The following AKAP6 variants were observed in gnomAD, a reference collection of about 807,000 sequenced individuals.
The protein encoded by AKAP6 is A-kinase anchor protein 6.
A neutral mutation model predicts 188.5 loss-of-function variants in AKAP6; 58 were observed. That is an observed-to-expected ratio of 0.31 (90% CI 0.25 to 0.38). The LOEUF (loss-of-function observed/expected upper bound fraction) is 0.38, where lower values mean the gene tolerates loss of function less well. Among genes scored for constraint, AKAP6 ranks in the 10% least tolerant of loss-of-function variants. The probability of loss-of-function intolerance (pLI) is 1.00; values close to 1 mark genes in which losing one functional copy is unlikely to be tolerated. For missense variants in AKAP6, 2,710 were observed against 2,740.0 expected (o/e 0.99, Z 0.24); for synonymous variants, 989 against 998.6 (o/e 0.99, Z 0.18).
At chr14:32,641,286 A>G (rs1887742865) in intron 7 of AKAP6, among the ~76,000 whole-genome samples, 1 of 152,020 alleles carries the variant, frequency 6.6e-6, no homozygotes, top group South Asian at 2.1e-4. Flanking sequence ...AGTGGAATAT[A>G]CAATAATATA....
intron 1 of AKAP6, among the ~76,000 whole-genome samples, chr14:32,382,065 A>G (rs1473935647): frequency 6.6e-6 from 1 of 152,122 alleles, no homozygotes; most frequent in Non-Finnish European, 1.5e-5. Context: ...ATCTGTGAAA[A>G]GGGGATTAGT....
chr14:32,714,838 ATACAGTATT>A (rs1377070437), intron 9 of AKAP6, among the ~76,000 whole-genome samples: 1 of 151,818 alleles, frequency 6.6e-6, no homozygotes, highest in African/African-American at 2.4e-5. Context: ...TTGGTAGTTT[ATACAGTATT>A]TGAATTGTCA....
chr14:32,786,298 C>CTTTTTTTTTTTTTTTTT (rs1162974012), intron 12 of AKAP6, among the ~76,000 whole-genome samples: 8 of 82,556 alleles, frequency 9.7e-5, no homozygotes, highest in Non-Finnish European at 1.3e-4. Context: ...AAACCTTTAT[C>CTTTTTTTTTTTTTTTTT]TTTTTTTTTT....
At chr14:32,375,793 G>A (rs1888139885) in intron 1 of AKAP6, 1 of 152,100 alleles carries the variant, frequency 6.6e-6, no homozygotes. Context: ...GTAAGTGAGT[G>A]GCAGAGCAGA....
intron 11 of AKAP6, among the ~76,000 whole-genome samples, chr14:32,760,862 T>C (rs1205083996): frequency 6.6e-6 from 1 of 152,224 alleles, no homozygotes; most frequent in African/African-American, 2.4e-5. Flanking sequence ...AGTTGACTAA[T>C]ATTTAGTCAA....
At chr14:32,685,839 G>A (rs1178991389) in intron 8 of AKAP6, among the ~76,000 whole-genome samples, 1 of 152,092 alleles carries the variant, frequency 6.6e-6, no homozygotes, top group African/African-American at 2.4e-5. Context: ...ACACTTGGTG[G>A]GAATCTAAAT....
At chr14:32,476,568 A>G (rs1879075381) in intron 2 of AKAP6, among the ~76,000 whole-genome samples, 2 of 152,212 alleles carry the variant, frequency 1.3e-5, no homozygotes, top group Non-Finnish European at 2.9e-5. Flanking sequence ...ATCGAATTTT[A>G]TCTAGTCATA....
chr14:32,558,514 G>A (rs1883788848), intron 4 of AKAP6, among the ~76,000 whole-genome samples: 1 of 152,198 alleles, frequency 6.6e-6, no homozygotes, highest in Non-Finnish European at 1.5e-5. Flanking sequence ...TAGCAGAGAT[G>A]AGGAGGCATA....
At chr14:32,754,442 T>A (rs190552356) in intron 11 of AKAP6, among the ~76,000 whole-genome samples, 426 of 152,290 alleles carry the variant, frequency 2.8e-3, no homozygotes, top group Middle Eastern at 6.8e-3. Context: ...ATCTTACATA[T>A]GTAATGTAAA....
intron 12 of AKAP6, among the ~76,000 whole-genome samples, chr14:32,786,298 C>CTTTTTTTTTTTTTTTT (rs1162974012): frequency 1.2e-5 from 1 of 82,552 alleles, no homozygotes; most frequent in Non-Finnish European, 2.1e-5. Context: ...AAACCTTTAT[C>CTTTTTTTTTTTTTTTT]TTTTTTTTTT....
In AKAP6 at chr14:32,824,133, G is replaced by C; in HGVS notation, c.6320G>C (p.Gly2107Ala). 6.2e-7 allele frequency: 1 copy of C among 1,613,922 alleles called. No individual in the cohort carries two copies. Among genetic ancestry groups the C allele is most frequent in the Non-Finnish European group, 8.5e-7 (1 of 1,179,910 alleles). Residue 2107 changes from glycine (G) to alanine (A), a missense_variant, in exon 13 of 14, where the codon GGG (glycine) becomes GCG (alanine). By Grantham distance (60) the Gly-to-Ala change is moderately conservative (BLOSUM62 0). This residue lies in a region of AKAP6 where 2,473 missense variants were observed against 2,426.1 expected (regional missense o/e 1.02). Transcript: ENST00000280979. ...CACCGGCCCATCCAGCTGAGAAAAG[G>C]GGACTTTTATTCGTACTTATCTCTC... ...HSHRPIQLRKGDFYSYLSLSS... is the reference protein window; with the variant it reads ...HSHRPIQLRKADFYSYLSLSS...
intron 7 of AKAP6, among the ~76,000 whole-genome samples, chr14:32,663,137 A>G (rs1169599328): frequency 6.6e-6 from 1 of 151,998 alleles, no homozygotes; most frequent in Non-Finnish European, 1.5e-5. Context: ...TATATTTCCC[A>G]CATTTGCCAA....
intron 5 of AKAP6, among the ~76,000 whole-genome samples, chr14:32,597,898 A>T (rs138682312): frequency 3.3e-4 from 51 of 152,272 alleles, no homozygotes; most frequent in African/African-American, 1.1e-3. Context: ...AGTATTCTGA[A>T]CTTTAAAAAG....
At position 32,835,049 on chromosome 14, in the gene AKAP6, T is replaced by A. The variant is rs2034860273; in HGVS notation, c.*5244T>A. The stretch of plus-strand genomic sequence containing the variant: ...TTTTATTAGAACACATCCACGCACA[T>A]TTGTTTCCATAGTCTACGGATGCTT... On this transcript the variant is annotated 3_prime_UTR_variant, in exon 14 of 14. Coordinates refer to ENST00000280979, the MANE Select transcript of AKAP6 (RefSeq NM_004274.5). 2.0e-5 allele frequency: 3 copies of A among 152,230 alleles called. No homozygotes were observed. In the South Asian group the frequency reaches 6.2e-4, roughly 31 times the overall value. 9.4% of individuals were successfully genotyped at this position (152,230 alleles called of 1,614,324 possible).
At chr14:32,602,138 G>C (rs576754356) in intron 7 of AKAP6, among the ~76,000 whole-genome samples, 4 of 152,156 alleles carry the variant, frequency 2.6e-5, no homozygotes, top group African/African-American at 9.7e-5. Context: ...GGGCAAACTC[G>C]GAGCTATTTT....
At chr14:32,776,470 A>AG (rs1566703479) in intron 12 of AKAP6, among the ~76,000 whole-genome samples, 1 of 152,200 alleles carries the variant, frequency 6.6e-6, no homozygotes, top group Non-Finnish European at 1.5e-5. Context: ...CTGTGAGTTC[A>AG]TTAAACCTCT....
chr14:32,702,412 T>C (rs1890651279), intron 9 of AKAP6, among the ~76,000 whole-genome samples: 2 of 152,116 alleles, frequency 1.3e-5, no homozygotes, highest in South Asian at 4.1e-4. Context: ...TTTTCCTTTT[T>C]TTTTTCTTTT....
chr14:32,822,792 A>C lies in AKAP6; in HGVS notation c.4979A>C (p.Gln1660Pro). 3 of 1,613,954 alleles carry C rather than the reference A, an allele frequency of 1.9e-6. No homozygotes were observed. The highest frequency in any genetic ancestry group is 2.5e-6 in the Non-Finnish European group (3 of 1,179,932). ...CGAAGTGTTTCTGATATCACTCTTC[A>C]AAGCAGTTCCCAAAAGATGTCCTTT... ...IKRSVSDITL[Q>P]SSSQKMSFTG... Residue 1660 changes from glutamine to proline, a missense_variant, in exon 13 of 14, where the codon CAA becomes CCA. Gln to Pro is a moderately conservative substitution (Grantham distance 76). Around this residue, in one of 2 missense-constraint regions of AKAP6, gnomAD observed 2,473 missense variants for 2,426.1 expected, o/e 1.02. Transcript: ENST00000280979.
intron 1 of AKAP6, among the ~76,000 whole-genome samples, chr14:32,375,344 C>T (rs1164874573): frequency 6.6e-6 from 1 of 152,136 alleles, no homozygotes; most frequent in Non-Finnish European, 1.5e-5. Context: ...ATGATAAGCT[C>T]AAAGTACCTG....
Sources: gnomAD v4.1 joint callset for allele counts (sites outside exome capture counted in the v4.1 genomes callset) on GRCh38, gnomAD v4.1.1 for gene constraint, gnomAD v4.1.1 regional missense constraint, MANE v1.5 for transcripts, NCBI Gene and HGNC (gene_info 2026-07-23, HGNC 2026-07-21) for gene names.